CLCN3: variants seen among roughly 807,000 people sequenced by gnomAD.
The protein encoded by CLCN3 is Cl-/H+ antiporter 3.
Under a neutral mutation model 83.4 loss-of-function variants are expected in CLCN3, and 16 were observed. The observed-to-expected ratio is 0.19, with a 90% CI of 0.13 to 0.29. The LOEUF is 0.29. Ranked by LOEUF, CLCN3 falls within the 10% of genes least tolerant of loss-of-function variation. CLCN3 has a pLI of 1.00. For missense variants in CLCN3, 544 were observed against 1,006.0 expected (o/e 0.54, Z 6.21); for synonymous variants, 322 against 346.2 (o/e 0.93, Z 0.78).
At chr4:169,632,149 AAC>A (rs1032567519) in intron 1 of CLCN3, among the ~76,000 whole-genome samples, 2 of 151,926 alleles carry the variant, frequency 1.3e-5, no homozygotes, top group Non-Finnish European at 2.9e-5. Context: ...TAGATGTAAA[AAC>A]CTTCAACAAA....
chr4:169,713,569 C>CA (rs1733307742), intron 12 of CLCN3, among the ~76,000 whole-genome samples: 1 of 152,170 alleles, frequency 6.6e-6, no homozygotes, highest in East Asian at 1.9e-4. Context: ...AGCATGAAAG[C>CA]ATGTTGAGCT....
At chr4:169,717,054 G>C (rs1733447312) in intron 12 of CLCN3, among the ~76,000 whole-genome samples, 2 of 151,948 alleles carry the variant, frequency 1.3e-5, no homozygotes, top group African/African-American at 4.8e-5. Flanking sequence ...TTATTTTCAT[G>C]TATCCTCATT....
At chr4:169,668,043 A>G (rs571961130) in intron 2 of CLCN3, among the ~76,000 whole-genome samples, 949 of 82,346 alleles carry the variant, frequency 0.012, 25 homozygotes, top group Admixed American at 0.054. Context: ...CCGGCCAGAC[A>G]TTTTTTTTTT....
intron 2 of CLCN3, among the ~76,000 whole-genome samples, chr4:169,679,067 G>A (rs1731804506): frequency 6.6e-6 from 1 of 151,758 alleles, no homozygotes; most frequent in Non-Finnish European, 1.5e-5. Flanking sequence ...CTGGGTGGCC[G>A]GGCGGAGACG....
chr4:169,663,553 T>C (rs1412573813), intron 2 of CLCN3: 5 of 373,562 alleles, frequency 1.3e-5, no homozygotes, highest in Non-Finnish European at 2.1e-5. Flanking sequence ...TTGTCCAGGC[T>C]GGTCTCCAAC....
chr4:169,656,279 C>A (rs1391111969), intron 2 of CLCN3, among the ~76,000 whole-genome samples: 1 of 152,222 alleles, frequency 6.6e-6, no homozygotes, highest in African/African-American at 2.4e-5. Context: ...CGAAGCATAG[C>A]GTCTTCTGGG....
intron 12 of CLCN3, among the ~76,000 whole-genome samples, chr4:169,714,021 A>G (rs1463325530): frequency 1.3e-5 from 2 of 152,206 alleles, no homozygotes; most frequent in Non-Finnish European, 2.9e-5. Flanking sequence ...ACCTTAATGC[A>G]CAGAATTGAT....
intron 9 of CLCN3, among the ~76,000 whole-genome samples, chr4:169,702,113 C>G (rs1207848927): frequency 3.3e-5 from 5 of 152,186 alleles, no homozygotes; most frequent in African/African-American, 1.2e-4. Flanking sequence ...GTGTTTCTAT[C>G]TATTGGAAGA....
At chr4:169,696,249 C>T (rs1732560331) in intron 8 of CLCN3, among the ~76,000 whole-genome samples, 1 of 152,034 alleles carries the variant, frequency 6.6e-6, no homozygotes, top group Non-Finnish European at 1.5e-5. Context: ...TAATCAATTC[C>T]TATGTTGTGT....
intron 3 of CLCN3, 48 bp from the exon 4 acceptor site, chr4:169,687,610 C>A: frequency 8.1e-7 from 1 of 1,237,100 alleles, no homozygotes; most frequent in Non-Finnish European, 1.2e-6. Flanking sequence ...AGAACTGTGG[C>A]TTCTATTCAT....
At chr4:169,651,281 T>C (rs894504362) in intron 2 of CLCN3, among the ~76,000 whole-genome samples, 3 of 152,200 alleles carry the variant, frequency 2.0e-5, no homozygotes, top group Non-Finnish European at 4.4e-5. Flanking sequence ...ACTTTTCTTC[T>C]GTGCATGTAG....
chr4:169,714,051 G>A (rs1733330679), intron 12 of CLCN3, among the ~76,000 whole-genome samples: 1 of 152,108 alleles, frequency 6.6e-6, no homozygotes, highest in South Asian at 2.1e-4. Context: ...ACACTACTTC[G>A]TCACCACTGC....
chr4:169,697,050 T>C, intron 8 of CLCN3, 139 bp from the exon 9 acceptor site: 1 of 582,118 alleles, frequency 1.7e-6, no homozygotes, highest in Non-Finnish European at 2.9e-6. Context: ...ATTTTTCTTA[T>C]TACAGTAAAA....
chr4:169,629,318 A>C (rs1773309953), intron 1 of CLCN3, among the ~76,000 whole-genome samples: 1 of 152,226 alleles, frequency 6.6e-6, no homozygotes, highest in Admixed American at 6.5e-5. Context: ...ATGTGGAACC[A>C]CAATTATCTC....
intron 3 of CLCN3, among the ~76,000 whole-genome samples, chr4:169,681,072 C>T (rs2013478): frequency 0.27 from 41,591 of 151,786 alleles, 6,170 homozygotes; most frequent in South Asian, 0.44. Context: ...GTCGGGGGAC[C>T]GTCGCCCATT....
At chr4:169,677,465 T>C (rs1731724925) in intron 2 of CLCN3, among the ~76,000 whole-genome samples, 1 of 152,234 alleles carries the variant, frequency 6.6e-6, no homozygotes, top group Non-Finnish European at 1.5e-5. Flanking sequence ...GCCTAAAATA[T>C]TTACTCTCTG....
chr4:169,654,050 A>G (rs1730812359), intron 2 of CLCN3, among the ~76,000 whole-genome samples: 1 of 152,126 alleles, frequency 6.6e-6, no homozygotes, highest in Non-Finnish European at 1.5e-5. Context: ...ACAATTTTTT[A>G]CCCACTCTTG....
At chr4:169,708,042 GAGGATAGGTACATCA>G in intron 11 of CLCN3, among the ~76,000 whole-genome samples, 1 of 152,226 alleles carries the variant, frequency 6.6e-6, no homozygotes, top group Non-Finnish European at 1.5e-5. Flanking sequence ...AAAAGTGACT[GAGGATAGGTACATCA>G]AGCCATTGCT....
chr4:169,681,047 A>T (rs1731917249), intron 3 of CLCN3, among the ~76,000 whole-genome samples: 1 of 149,958 alleles, frequency 6.7e-6, no homozygotes, highest in Admixed American at 6.7e-5. Context: ...TTAAAAAACA[A>T]TTTTTTTTTT....
Sources: allele counts gnomAD v4.1 joint callset (sites outside exome capture counted in the v4.1 genomes callset), GRCh38; gene constraint gnomAD v4.1.1; transcripts MANE v1.5; gene names NCBI Gene and HGNC (gene_info 2026-07-23, HGNC 2026-07-21).